Variants in CYFIP1 observed in about 807,000 individuals in gnomAD.
The protein encoded by CYFIP1 is cytoplasmic FMR1 interacting protein 1, also known as cytoplasmic FMR1-interacting protein 1.
Under a neutral mutation model 163.5 loss-of-function variants are expected in CYFIP1, and 58 were observed. The ratio of observed to expected loss-of-function variants is 0.35; its 90% CI spans 0.29 to 0.44. The LOEUF (loss-of-function observed/expected upper bound fraction) is 0.44. CYFIP1 is among the 20% of genes least tolerant of loss of function. The pLI is 1.00. For missense variants in CYFIP1, 1,338 were observed against 1,653.8 expected (o/e 0.81, Z 3.31); for synonymous variants, 663 against 660.7 (o/e 1.00, Z -0.05).
intron 23 of CYFIP1, among the ~76,000 whole-genome samples, chr15:22,891,230 G>A (rs1354188609): frequency 1.3e-5 from 2 of 152,098 alleles, no homozygotes; most frequent in Non-Finnish European, 2.9e-5. Context: ...TTGGAGACCA[G>A]CCTGGCCAAC....
chr15:22,925,370 G>A (rs2061325692), intron 13 of CYFIP1, among the ~76,000 whole-genome samples: 1 of 152,198 alleles, frequency 6.6e-6, no homozygotes, highest in Non-Finnish European at 1.5e-5. Flanking sequence ...GGTTAGAGCA[G>A]AGCAGAAACA....
At chr15:22,900,325 AG>A (rs1354257285) in intron 22 of CYFIP1, among the ~76,000 whole-genome samples, 1 of 151,860 alleles carries the variant, frequency 6.6e-6, no homozygotes, top group South Asian at 2.1e-4. Context: ...AGTGTCTCAG[AG>A]GGGGCGTGGT....
At chr15:22,976,488 C>G (rs1351506776) in intron 1 of CYFIP1, among the ~76,000 whole-genome samples, 1 of 147,886 alleles carries the variant, frequency 6.8e-6, no homozygotes, top group East Asian at 1.9e-4. Flanking sequence ...ATTGCTAGTA[C>G]AGTAGTCCCC....
intron 1 of CYFIP1, among the ~76,000 whole-genome samples, chr15:22,964,065 T>C (rs944503858): frequency 6.6e-6 from 1 of 152,030 alleles, no homozygotes; most frequent in African/African-American, 2.4e-5. Context: ...AAAAATTGTA[T>C]ATATTTACTG....
intron 20 of CYFIP1, 138 bp downstream of exon 20, chr15:22,910,382 G>A (rs2060743864): frequency 1.5e-6 from 1 of 651,346 alleles, no homozygotes. Context: ...GGCTGGTCTT[G>A]AACTCCTAAC....
Position 22,978,352 on chromosome 15 carries a change from C to CAAAAAAAAAAAA in CYFIP1, c.-7+1923_-7+1934dup, listed in dbSNP as rs397976366. 2.1e-4 allele frequency among the ~76,000 whole-genome samples: 11 copies of CAAAAAAAAAAAA among 52,772 alleles called. 1 individual carries two copies. Among genetic ancestry groups the CAAAAAAAAAAAA allele is most frequent in the East Asian group, 1.4e-3 (2 of 1,438 alleles). The allele number at this position is 52,772 out of a possible 152,430, so 34.6% of individuals were successfully genotyped here. A position where few individuals can be genotyped will look rare whatever the true frequency, so the allele number is the denominator to read the frequency against. On this transcript the variant is annotated intron_variant, in intron 1 of 30. Coordinates refer to ENST00000617928, the MANE Select transcript of CYFIP1 (RefSeq NM_014608.6). ...GGGCCACAGAGTTAAGACTCTGTCA[C>CAAAAAAAAAAAA]AAAAAAAAAAAAAAAAAAAAAAAAA...
intron 1 of CYFIP1, among the ~76,000 whole-genome samples, chr15:22,964,581 C>G (rs78005143): frequency 6.6e-6 from 1 of 152,072 alleles, no homozygotes; most frequent in Admixed American, 6.6e-5. Context: ...GTGCAGCCGG[C>G]GAAGATGCCA....
At chr15:22,912,128 A>C in intron 18 of CYFIP1, 51 bp downstream of exon 18, 1 of 1,474,698 alleles carries the variant, frequency 6.8e-7, no homozygotes, top group Non-Finnish European at 9.3e-7. Flanking sequence ...AAAAAGAGAA[A>C]GGAGATTTAA....
chr15:22,879,747 G>A (rs1057465810), intron 26 of CYFIP1, among the ~76,000 whole-genome samples, 166 bp downstream of exon 26: 33 of 151,272 alleles, frequency 2.2e-4, no homozygotes, highest in African/African-American at 8.0e-4. Context: ...TCAATTGAAG[G>A]GAACAAATTC....
intron 21 of CYFIP1, chr15:22,904,270 C>T (rs1276981680): frequency 6.4e-6 from 2 of 313,398 alleles, no homozygotes; most frequent in African/African-American, 2.1e-5. Flanking sequence ...TCTCCCTGGG[C>T]GTTGGAGCTG....
chr15:22,970,247 G>A (rs1054781359), intron 1 of CYFIP1, among the ~76,000 whole-genome samples: 4 of 152,076 alleles, frequency 2.6e-5, no homozygotes, highest in South Asian at 2.1e-4. Context: ...AATCAAGGAG[G>A]TGAAAGACTT....
At chr15:22,931,712 C>CAAAAAAAAAAAAAAAAAA (rs2061544613) in intron 11 of CYFIP1, among the ~76,000 whole-genome samples, 5 of 49,906 alleles carry the variant, frequency 1.0e-4, no homozygotes, top group South Asian at 8.2e-4. Context: ...AAAAAAAAAG[C>CAAAAAAAAAAAAAAAAAA]TTTTTGTACA....
intron 21 of CYFIP1, among the ~76,000 whole-genome samples, chr15:22,908,887 T>C (rs2060681959): frequency 6.6e-6 from 1 of 152,242 alleles, no homozygotes; most frequent in Non-Finnish European, 1.5e-5. Flanking sequence ...CGTTATTAAG[T>C]GGTGTGCTAC....
intron 26 of CYFIP1, among the ~76,000 whole-genome samples, chr15:22,878,023 C>G (rs532762165): frequency 6.6e-6 from 1 of 152,356 alleles, no homozygotes; most frequent in Admixed American, 6.5e-5. Flanking sequence ...ACAGACCACC[C>G]TCTCCCTGTT....
intron 13 of CYFIP1, among the ~76,000 whole-genome samples, chr15:22,919,123 A>AC (rs1163848017): frequency 6.6e-6 from 1 of 152,178 alleles, no homozygotes; most frequent in Non-Finnish European, 1.5e-5. Context: ...CCACCCCAGC[A>AC]CACCCTCCTG....
chr15:22,893,021 C>T, intron 22 of CYFIP1, 44 bp from the exon 23 acceptor site: 1 of 1,437,446 alleles, frequency 7.0e-7, no homozygotes, highest in East Asian at 2.3e-5. Flanking sequence ...CCAAATTTAA[C>T]AATAGTTCTT....
chr15:22,921,055 C>A (rs960755297), intron 13 of CYFIP1, among the ~76,000 whole-genome samples: 1 of 152,090 alleles, frequency 6.6e-6, no homozygotes, highest in South Asian at 2.1e-4. Context: ...GCAAAATAAA[C>A]CCCCCCAAAA....
Position 22,903,918 on chromosome 15 carries a change from A to G in CYFIP1, c.2389-13T>C, listed in dbSNP as rs1238559461. 4 of 1,612,988 alleles carry G rather than the reference A, an allele frequency of 2.5e-6. 1 individual carries two copies. The highest frequency in any genetic ancestry group is 3.4e-6 in the Non-Finnish European group (4 of 1,179,496). ...GGCCATCCAGCTCCTGTGGCACCAA[A>G]GACAGGGGTGGGTGACAGAGCTGGT... is the stretch of plus-strand genomic sequence containing the variant. On this transcript the variant is annotated splice_polypyrimidine_tract_variant and intron_variant, in intron 21 of 30. Coordinates refer to ENST00000617928, the MANE Select transcript of CYFIP1 (RefSeq NM_014608.6).
intron 22 of CYFIP1, among the ~76,000 whole-genome samples, chr15:22,895,046 GCT>G (rs1374923312): frequency 6.8e-6 from 1 of 146,190 alleles, no homozygotes; most frequent in Non-Finnish European, 1.5e-5. Context: ...ACAGAGTCTT[GCT>G]CTGTCGCCCA....
Sources: allele counts gnomAD v4.1 joint callset (sites outside exome capture counted in the v4.1 genomes callset), GRCh38; gene constraint gnomAD v4.1.1; transcripts MANE v1.5; gene names NCBI Gene and HGNC (gene_info 2026-07-23, HGNC 2026-07-21).